Variants in ALDH1A2 observed in about 807,000 individuals in gnomAD.
ALDH1A2 encodes the protein retinal dehydrogenase 2.
A neutral mutation model predicts 60.3 loss-of-function variants in ALDH1A2; 27 were observed. The observed-to-expected ratio is 0.45, with a 90% CI of 0.33 to 0.62. The LOEUF (loss-of-function observed/expected upper bound fraction) is 0.62, where lower values mean the gene tolerates loss of function less well. Ranked by LOEUF, ALDH1A2 falls within the 20% of genes least tolerant of loss-of-function variation. The pLI is 0.02. For missense variants in ALDH1A2, 581 were observed against 643.8 expected (o/e 0.90, Z 1.06); for synonymous variants, 289 against 232.4 (o/e 1.24, Z -2.21).
intron 1 of ALDH1A2, among the ~76,000 whole-genome samples, chr15:58,035,923 T>C (rs1360852759): frequency 2.6e-5 from 4 of 151,690 alleles, no homozygotes; most frequent in Admixed American, 2.6e-4. Context: ...AGAACTGGTA[T>C]TGGCATTCAC....
intron 7 of ALDH1A2, among the ~76,000 whole-genome samples, chr15:57,966,709 C>T (rs527372568): frequency 2.0e-5 from 3 of 152,218 alleles, no homozygotes; most frequent in Non-Finnish European, 4.4e-5. Context: ...CAGCACAGGA[C>T]TGGGCTCTGA....
At chr15:58,054,588 G>A (rs1239822116) in intron 1 of ALDH1A2, among the ~76,000 whole-genome samples, 4 of 152,026 alleles carry the variant, frequency 2.6e-5, no homozygotes, top group Non-Finnish European at 5.9e-5. Context: ...AACTCTTTCT[G>A]GCAAGCATCT....
chr15:57,981,661 T>C (rs1233527760), intron 7 of ALDH1A2, among the ~76,000 whole-genome samples: 7 of 152,194 alleles, frequency 4.6e-5, no homozygotes, highest in Non-Finnish European at 1.0e-4. Flanking sequence ...TGGAATTTGA[T>C]CCATGATTTG....
At chr15:57,993,342 CTTTGT>C (rs1180385207) in intron 5 of ALDH1A2, among the ~76,000 whole-genome samples, 7 of 152,088 alleles carry the variant, frequency 4.6e-5, no homozygotes, top group East Asian at 1.9e-4. Context: ...TTTGTTACTT[CTTTGT>C]TTTGTTTTGT....
chr15:57,980,149 G>A (rs553786831), intron 7 of ALDH1A2: 8 of 285,232 alleles, frequency 2.8e-5, no homozygotes, highest in African/African-American at 8.9e-5. Flanking sequence ...TTTGCAGCCC[G>A]ATGACGCACT....
Position 57,963,996 on chromosome 15 carries a change from G to T in ALDH1A2, c.975C>A (p.Arg325=). 1 of 1,614,180 alleles carries T rather than the reference G, an allele frequency of 6.2e-7. No individual in the cohort carries two copies. The highest frequency in any genetic ancestry group is 8.5e-7 in the Non-Finnish European group (1 of 1,180,022). The change falls in exon 9 of 13, where the codon CGC becomes CGA. Residue 325 remains arginine (R), a synonymous_variant. Coordinates refer to ENST00000249750, the MANE Select transcript of ALDH1A2 (RefSeq NM_003888.4). Reference sequence around the variant, plus strand: ...CATAGATGGACTCCTCCACGAAGATGCGAGAGCCTGCAGTGCAGCACTGAC... The same window carrying T: ...CATAGATGGACTCCTCCACGAAGATTCGAGAGCCTGCAGTGCAGCACTGAC... ...NQGQCCTAGS[R]IFVEESIYEE... is the part of the protein sequence containing the mutation.
At chr15:58,025,798 A>C (rs576100573) in intron 1 of ALDH1A2, among the ~76,000 whole-genome samples, 1 of 152,358 alleles carries the variant, frequency 6.6e-6, no homozygotes, top group South Asian at 2.1e-4. Context: ...CAGAATGTGA[A>C]GGGGAAGCAG....
chr15:57,958,777 G>C (rs1165807687), intron 12 of ALDH1A2, among the ~76,000 whole-genome samples: 2 of 152,172 alleles, frequency 1.3e-5, no homozygotes, highest in East Asian at 1.9e-4. Context: ...TGTCACTCAG[G>C]GTCATTTAAG....
intron 7 of ALDH1A2, among the ~76,000 whole-genome samples, chr15:57,991,922 A>G (rs1461350182): frequency 6.6e-6 from 1 of 152,190 alleles, no homozygotes; most frequent in Non-Finnish European, 1.5e-5. Context: ...AGTAACATTT[A>G]TAAATCTTCT....
At chr15:58,014,661 T>A (rs1386741110) in intron 1 of ALDH1A2, among the ~76,000 whole-genome samples, 1 of 152,204 alleles carries the variant, frequency 6.6e-6, no homozygotes, top group Non-Finnish European at 1.5e-5. Flanking sequence ...TCATCAAGCC[T>A]TAGATCCTAC....
intron 4 of ALDH1A2, among the ~76,000 whole-genome samples, chr15:58,002,385 T>C (rs1345681340): frequency 6.6e-6 from 1 of 151,974 alleles, no homozygotes; most frequent in Admixed American, 6.6e-5. Context: ...GAGAAATATT[T>C]AATTAGAAAA....
At chr15:58,037,264 A>T (rs1258996731) in intron 1 of ALDH1A2, among the ~76,000 whole-genome samples, 1 of 151,776 alleles carries the variant, frequency 6.6e-6, no homozygotes, top group Non-Finnish European at 1.5e-5. Context: ...AAAGAGAAAA[A>T]AAGAATTATG....
chr15:58,047,902 T>A (rs758260375), intron 1 of ALDH1A2, among the ~76,000 whole-genome samples: 1 of 152,042 alleles, frequency 6.6e-6, no homozygotes, highest in Non-Finnish European at 1.5e-5. Context: ...TTAAAGTCAA[T>A]GTTTTGATAT....
chr15:58,012,295 C>T (rs1352078860), intron 3 of ALDH1A2: 1 of 152,114 alleles, frequency 6.6e-6, no homozygotes. Context: ...ATTAAACAGT[C>T]ATTTATTGAC....
chr15:57,965,446 G>A (rs1893863197), intron 8 of ALDH1A2, among the ~76,000 whole-genome samples: 1 of 152,180 alleles, frequency 6.6e-6, no homozygotes, highest in African/African-American at 2.4e-5. Context: ...GACCACTGCT[G>A]TTGAACCATA....
At chr15:58,036,911 G>A (rs554561347) in intron 1 of ALDH1A2, among the ~76,000 whole-genome samples, 63 of 151,754 alleles carry the variant, frequency 4.2e-4, no homozygotes, top group Non-Finnish European at 7.5e-4. Flanking sequence ...TAGGGAATGG[G>A]GAAGTACAAG....
chr15:57,978,927 T>C (rs1894377593), intron 7 of ALDH1A2, among the ~76,000 whole-genome samples: 1 of 152,020 alleles, frequency 6.6e-6, no homozygotes, highest in African/African-American at 2.4e-5. Context: ...TCCCAGATAC[T>C]TGGGGGGCTG....
chr15:58,001,738 AAC>A (rs1193277194), intron 4 of ALDH1A2, among the ~76,000 whole-genome samples: 1 of 151,882 alleles, frequency 6.6e-6, no homozygotes, highest in Non-Finnish European at 1.5e-5. Flanking sequence ...CTGATATAAA[AAC>A]AGTCTCCACC....
chr15:58,048,325 G>T (rs1896684733), intron 1 of ALDH1A2, among the ~76,000 whole-genome samples: 1 of 152,082 alleles, frequency 6.6e-6, no homozygotes, highest in Admixed American at 6.6e-5. Context: ...CTGTGTTAAT[G>T]CTGTAAATGG....
Sources: gnomAD v4.1 joint callset for allele counts (sites outside exome capture counted in the v4.1 genomes callset) on GRCh38, gnomAD v4.1.1 for gene constraint, MANE v1.5 for transcripts, NCBI Gene and HGNC (gene_info 2026-07-23, HGNC 2026-07-21) for gene names.